APBB2: variants seen among roughly 807,000 people sequenced by gnomAD.
The protein encoded by APBB2 is amyloid beta precursor protein binding family B member 2.
Under a neutral mutation model 82.5 loss-of-function variants are expected in APBB2, and 38 were observed. The ratio of observed to expected loss-of-function variants is 0.46; its 90% CI spans 0.36 to 0.60. The LOEUF is 0.60. APBB2 is among the 20% of genes least tolerant of loss of function. APBB2 has a pLI of 0.00. For missense variants in APBB2, 772 were observed against 972.3 expected (o/e 0.79, Z 2.74); for synonymous variants, 341 against 368.2 (o/e 0.93, Z 0.85).
At chr4:40,930,668 T>C (rs993063017) in intron 10 of APBB2, among the ~76,000 whole-genome samples, 5 of 152,206 alleles carry the variant, frequency 3.3e-5, no homozygotes, top group African/African-American at 1.2e-4. Flanking sequence ...GTAAGGAAGA[T>C]ATTTTCTATA....
At chr4:41,067,249 A>G (rs566768831) in intron 3 of APBB2, among the ~76,000 whole-genome samples, 21 of 152,224 alleles carry the variant, frequency 1.4e-4, no homozygotes, top group Middle Eastern at 3.4e-3. Context: ...ATCTCTACTA[A>G]AAATACAAAA....
intron 5 of APBB2, among the ~76,000 whole-genome samples, chr4:41,018,116 A>G (rs1317173681): frequency 6.6e-6 from 1 of 152,220 alleles, no homozygotes; most frequent in African/African-American, 2.4e-5. Flanking sequence ...AATGGCTGGC[A>G]TACTGTAAGA....
At chr4:41,121,899 G>GTGTGTGTGTGTATGTGTGTA (rs1752947350) in intron 2 of APBB2, among the ~76,000 whole-genome samples, 2 of 151,888 alleles carry the variant, frequency 1.3e-5, no homozygotes, top group South Asian at 2.1e-4. Flanking sequence ...TTGGTTGTGT[G>GTGTGTGTGTGTATGTGTGTA]TGTGTGTGTG....
chr4:40,827,302 T>C, intron 13 of APBB2, 83 bp from the exon 14 acceptor site: 1 of 1,181,832 alleles, frequency 8.5e-7, no homozygotes, highest in Non-Finnish European at 1.3e-6. Context: ...GTGTCTAGGT[T>C]GACTTCACTT....
chr4:40,842,831 A>G (rs1329135765), intron 12 of APBB2, among the ~76,000 whole-genome samples: 2 of 151,422 alleles, frequency 1.3e-5, no homozygotes, highest in Non-Finnish European at 2.9e-5. Context: ...ACTGGAATCC[A>G]GGCACTTTTC....
At chr4:40,895,995 G>A (rs1245692160) in intron 10 of APBB2, among the ~76,000 whole-genome samples, 2 of 152,082 alleles carry the variant, frequency 1.3e-5, no homozygotes, top group African/African-American at 4.8e-5. Flanking sequence ...TGAGATTTTT[G>A]TTGGGGGACA....
intron 7 of APBB2, among the ~76,000 whole-genome samples, chr4:40,940,299 C>G (rs1578598564): frequency 6.6e-6 from 1 of 151,578 alleles, no homozygotes; most frequent in Non-Finnish European, 1.5e-5. Flanking sequence ...AGGCTATAGT[C>G]ATTAGAGGAC....
intron 2 of APBB2, among the ~76,000 whole-genome samples, chr4:41,126,187 C>T (rs529173731): frequency 6.7e-6 from 1 of 148,808 alleles, no homozygotes; most frequent in Admixed American, 6.8e-5. Context: ...CAAGACCAGC[C>T]TGGGCAACAT....
chr4:41,114,877 TG>T (rs1484961543), intron 2 of APBB2, among the ~76,000 whole-genome samples: 6 of 152,162 alleles, frequency 3.9e-5, no homozygotes, highest in Admixed American at 6.6e-5. Flanking sequence ...GAATCAATAT[TG>T]TTAAAATGGC....
chr4:40,846,091 T>G (rs1463058499), intron 12 of APBB2, among the ~76,000 whole-genome samples: 2 of 151,912 alleles, frequency 1.3e-5, no homozygotes, highest in African/African-American at 4.8e-5. Flanking sequence ...TTAGCCTCTT[T>G]GTTTTTCAGT....
chr4:40,913,529 T>C (rs1031279096), intron 10 of APBB2, among the ~76,000 whole-genome samples: 3 of 152,288 alleles, frequency 2.0e-5, no homozygotes, highest in South Asian at 2.1e-4. Context: ...AGATTCCATA[T>C]CTGCAAGTTC....
At chr4:40,968,082 T>A (rs537353846) in intron 6 of APBB2, among the ~76,000 whole-genome samples, 154 of 152,356 alleles carry the variant, frequency 1.0e-3, no homozygotes, top group African/African-American at 3.6e-3. Context: ...GTTCTGACAG[T>A]GTGCCAGGCA....
intron 2 of APBB2, among the ~76,000 whole-genome samples, chr4:41,139,715 G>A (rs1007888801): frequency 6.6e-6 from 1 of 152,148 alleles, no homozygotes; most frequent in Non-Finnish European, 1.5e-5. Flanking sequence ...TGTGGAAAAA[G>A]TAGAACTATG....
intron 10 of APBB2, among the ~76,000 whole-genome samples, chr4:40,899,114 C>G (rs994854790): frequency 3.3e-5 from 5 of 152,282 alleles, no homozygotes; most frequent in Admixed American, 6.5e-5. Context: ...CATTTTTGAC[C>G]TTGGGTGAGT....
At chr4:41,042,029 C>T (rs1721695824) in intron 4 of APBB2, among the ~76,000 whole-genome samples, 1 of 152,080 alleles carries the variant, frequency 6.6e-6, no homozygotes, top group Non-Finnish European at 1.5e-5. Context: ...CTCACTCTGT[C>T]ACCCAGGCTG....
chr4:40,856,997 G>C, intron 12 of APBB2: 2 of 985,572 alleles, frequency 2.0e-6, no homozygotes, highest in Middle Eastern at 5.2e-4. Flanking sequence ...GCAAACAAAG[G>C]AGAGCCGTTC....
At chr4:41,065,988 A>G (rs1731649281) in intron 3 of APBB2, among the ~76,000 whole-genome samples, 1 of 152,126 alleles carries the variant, frequency 6.6e-6, no homozygotes, top group Admixed American at 6.5e-5. Flanking sequence ...CGTTTCCCTG[A>G]TGCTTTTCTA....
intron 5 of APBB2, among the ~76,000 whole-genome samples, chr4:41,032,778 C>CTTTTTTTTTTTTTTT (rs11421268): frequency 1.8e-4 from 15 of 84,318 alleles, no homozygotes; most frequent in South Asian, 5.5e-4. Flanking sequence ...ATTTTTCTTT[C>CTTTTTTTTTTTTTTT]TTTTTTTTTT....
intron 6 of APBB2, among the ~76,000 whole-genome samples, chr4:40,956,361 G>T (rs780191745): frequency 6.6e-6 from 1 of 152,118 alleles, no homozygotes; most frequent in Non-Finnish European, 1.5e-5. Context: ...CAAAGGAATC[G>T]GCAGAAACAC....
Sources: allele counts gnomAD v4.1 joint callset (sites outside exome capture counted in the v4.1 genomes callset), GRCh38; gene constraint gnomAD v4.1.1; transcripts MANE v1.5; gene names NCBI Gene and HGNC (gene_info 2026-07-23, HGNC 2026-07-21).